Variants in EPHA3 observed in about 807,000 individuals in gnomAD.
EPHA3 encodes the protein EPH receptor A3.
Under a neutral mutation model 107.1 loss-of-function variants are expected in EPHA3, and 42 were observed. That is an observed-to-expected ratio of 0.39 (90% CI 0.31 to 0.51). The LOEUF is 0.51. EPHA3 is among the 20% of genes least tolerant of loss of function. The pLI is 0.78. For synonymous variants in EPHA3, 461 were observed against 424.8 expected, an observed-to-expected ratio of 1.09 and a Z score of -1.05; for missense variants, 1,183 against 1,211.2, an observed-to-expected ratio of 0.98 and a Z score of 0.35.
At chr3:89,242,288 A>T (rs1704914903) in intron 3 of EPHA3, among the ~76,000 whole-genome samples, 1 of 152,218 alleles carries the variant, frequency 6.6e-6, no homozygotes, top group Admixed American at 6.5e-5. Context: ...AATAATTAGC[A>T]ATCATGTCTT....
chr3:89,442,780 A>G (rs780340139), intron 13 of EPHA3, among the ~76,000 whole-genome samples: 3 of 152,236 alleles, frequency 2.0e-5, no homozygotes, highest in Non-Finnish European at 2.9e-5. Flanking sequence ...AATGTGCAAC[A>G]GACTAGCCAT....
chr3:89,232,325 T>C (rs1704657696), intron 3 of EPHA3, among the ~76,000 whole-genome samples: 1 of 152,036 alleles, frequency 6.6e-6, no homozygotes, highest in Non-Finnish European at 1.5e-5. Flanking sequence ...GAGGAAGCTT[T>C]ATTGCTGGGA....
intron 2 of EPHA3, among the ~76,000 whole-genome samples, chr3:89,150,263 A>C (rs1576185840): frequency 6.6e-6 from 1 of 152,054 alleles, no homozygotes; most frequent in African/African-American, 2.4e-5. Flanking sequence ...CATGGGGTAT[A>C]TTTTGTCAGA....
At chr3:89,336,015 C>T (rs950800044) in intron 3 of EPHA3, among the ~76,000 whole-genome samples, 1 of 152,124 alleles carries the variant, frequency 6.6e-6, no homozygotes, top group South Asian at 2.1e-4. Flanking sequence ...ATAGCTGGGG[C>T]TTTGTATTTT....
chr3:89,158,158 A>G (rs2107062965), intron 2 of EPHA3, among the ~76,000 whole-genome samples: 1 of 152,308 alleles, frequency 6.6e-6, no homozygotes, highest in South Asian at 2.1e-4. Flanking sequence ...CAAAACTACA[A>G]TGAAAATAAG....
intron 3 of EPHA3, among the ~76,000 whole-genome samples, chr3:89,328,376 A>C (rs574626287): frequency 4.6e-5 from 7 of 152,248 alleles, no homozygotes; most frequent in East Asian, 1.9e-4. Flanking sequence ...ACTCCTAATA[A>C]AGTTTCTTTG....
At chr3:89,121,775 T>A (rs1223171379) in intron 1 of EPHA3, among the ~76,000 whole-genome samples, 2 of 150,194 alleles carry the variant, frequency 1.3e-5, no homozygotes, top group East Asian at 1.9e-4. Flanking sequence ...AAAAAAATTA[T>A]GCTTGGGTAG....
At chr3:89,256,069 G>A (rs1705277804) in intron 3 of EPHA3, among the ~76,000 whole-genome samples, 1 of 151,718 alleles carries the variant, frequency 6.6e-6, no homozygotes, top group African/African-American at 2.4e-5. Context: ...ATCCAACATG[G>A]TGAAACCACT....
rs67054298 is a variant in EPHA3, at chr3:89,136,330, C to CTTTTTTTTTTTTTTTTTTTTTTTT, written c.153+9058_153+9081dup. On this transcript the variant is annotated intron_variant, in intron 2 of 16. Coordinates refer to ENST00000336596, the MANE Select transcript of EPHA3 (RefSeq NM_005233.6). ...GAAAAACATGGCAAAATCTTACAGGCTTTTTTTTTTTTTTTTTTTTTTTTG... is the reference window on the plus strand; with the variant it reads ...GAAAAACATGGCAAAATCTTACAGGCTTTTTTTTTTTTTTTTTTTTTTTTTTTTTTTTTTTTTTTTTTTTTTTTG... 2.6e-4 allele frequency among the ~76,000 whole-genome samples: 6 copies of CTTTTTTTTTTTTTTTTTTTTTTTT among 23,382 alleles called. 1 individual carries two copies. The highest frequency in any genetic ancestry group is 1.8e-3 in the South Asian group (1 of 570). 15.3% of individuals were successfully genotyped at this position (23,382 alleles called of 152,430 possible).
Position 89,208,423 on chromosome 3 carries a change from G to GAAGGAAGGAAGAAAGAAAGA in EPHA3, c.154-1434_154-1433insGAAGGAAGAAAGAAAGAAAG, listed in dbSNP as rs74193305. On this transcript the variant is annotated intron_variant, in intron 2 of 16. Coordinates refer to ENST00000336596, the MANE Select transcript of EPHA3 (RefSeq NM_005233.6). ...AAAAGGAAGGAAGGAAGGAAGGAAG[G>GAAGGAAGGAAGAAAGAAAGA]AAGAAAGAAAGAAAGAAAGAAAGAA... Among the ~76,000 whole-genome samples, 86 of 37,520 alleles carry GAAGGAAGGAAGAAAGAAAGA rather than the reference G, an allele frequency of 2.3e-3. 2 individuals carry two copies. Among genetic ancestry groups the GAAGGAAGGAAGAAAGAAAGA allele is most frequent in the South Asian group, 3.5e-3 (3 of 848 alleles). The allele number at this position is 37,520 out of a possible 152,430, so 24.6% of individuals were successfully genotyped here.
At chr3:89,255,457 C>G (rs946229887) in intron 3 of EPHA3, among the ~76,000 whole-genome samples, 1 of 152,074 alleles carries the variant, frequency 6.6e-6, no homozygotes, top group Non-Finnish European at 1.5e-5. Flanking sequence ...TATTGAAACA[C>G]CGACATGTTA....
chr3:89,146,214 G>A (rs1704555044), intron 2 of EPHA3, among the ~76,000 whole-genome samples: 1 of 151,854 alleles, frequency 6.6e-6, no homozygotes, highest in Non-Finnish European at 1.5e-5. Flanking sequence ...TGTATACACA[G>A]GACCAGCCCA....
chr3:89,113,241 T>C (rs1415472938), intron 1 of EPHA3, among the ~76,000 whole-genome samples: 1 of 151,960 alleles, frequency 6.6e-6, no homozygotes, highest in Non-Finnish European at 1.5e-5. Flanking sequence ...TTAGAAATAT[T>C]AGTAAAAGCA....
chr3:89,176,846 G>A (rs1471336575), intron 2 of EPHA3, among the ~76,000 whole-genome samples: 1 of 152,170 alleles, frequency 6.6e-6, no homozygotes, highest in East Asian at 1.9e-4. Flanking sequence ...TTTTCAAAAT[G>A]GCTTTCAAAT....
intron 3 of EPHA3, among the ~76,000 whole-genome samples, chr3:89,265,320 G>A (rs1209047172): frequency 6.6e-6 from 1 of 152,076 alleles, no homozygotes; most frequent in African/African-American, 2.4e-5. Flanking sequence ...CATAATTTTG[G>A]GAAATGTCAT....
At chr3:89,120,149 T>G (rs941015069) in intron 1 of EPHA3, among the ~76,000 whole-genome samples, 1 of 152,226 alleles carries the variant, frequency 6.6e-6, no homozygotes, top group Non-Finnish European at 1.5e-5. Context: ...CTATTTGTAT[T>G]TCATAATTGA....
chr3:89,366,196 TA>T (rs1708181504), intron 5 of EPHA3, among the ~76,000 whole-genome samples: 1 of 150,518 alleles, frequency 6.6e-6, no homozygotes, highest in Admixed American at 6.7e-5. Context: ...TTCATCAGTT[TA>T]AGGGAATATT....
Position 89,480,820 on chromosome 3 carries a change from G to C in EPHA3, c.*1318G>C, listed in dbSNP as rs919724844. The C allele has an allele frequency of 4.3e-6, 1 of 232,344 alleles. No individual in the cohort carries two copies. The highest frequency in any genetic ancestry group is 8.5e-6 in the Non-Finnish European group (1 of 117,292). 14.4% of individuals were successfully genotyped at this position (232,344 alleles called of 1,614,324 possible). A position where few individuals can be genotyped will look rare whatever the true frequency, so the allele number is the denominator to read the frequency against. On this transcript the variant is annotated 3_prime_UTR_variant, in exon 17 of 17. Coordinates refer to ENST00000336596, the MANE Select transcript of EPHA3 (RefSeq NM_005233.6). ...AGAGTCTTCCACTTCAATGCACATG[G>C]TGCAGTTTTGGTGTGTAACTTAGAA...
chr3:89,227,436 T>C (rs1489288115), intron 3 of EPHA3, among the ~76,000 whole-genome samples: 1 of 152,026 alleles, frequency 6.6e-6, no homozygotes. Context: ...GGATGAATCA[T>C]GCATTTCCTG....
Sources: gnomAD v4.1 joint callset for allele counts (sites outside exome capture counted in the v4.1 genomes callset) on GRCh38, gnomAD v4.1.1 for gene constraint, MANE v1.5 for transcripts, NCBI Gene and HGNC (gene_info 2026-07-23, HGNC 2026-07-21) for gene names.